REEP3: variants seen among roughly 807,000 people sequenced by gnomAD.
REEP3 encodes the protein receptor expression-enhancing protein 3.
REEP3 carries 20 observed loss-of-function variants against 41.3 expected under a neutral mutation model. The ratio of observed to expected loss-of-function variants is 0.48; its 90% CI spans 0.34 to 0.70. REEP3 has a LOEUF of 0.70. Ranked by LOEUF, REEP3 falls within the 30% of genes least tolerant of loss-of-function variation. The pLI, the probability that REEP3 is intolerant of heterozygous loss-of-function variation, is 0.01. For missense variants in REEP3, 271 were observed against 308.8 expected (o/e 0.88, Z 0.92); for synonymous variants, 104 against 101.8 (o/e 1.02, Z -0.13).
chr10:63,559,024 G>A (rs1473522062), intron 1 of REEP3, among the ~76,000 whole-genome samples: 2 of 152,020 alleles, frequency 1.3e-5, no homozygotes, highest in African/African-American at 4.8e-5. Flanking sequence ...TTAGAAGCAT[G>A]ATTCTGAAAG....
At chr10:63,592,984 G>T (rs564034678) in intron 2 of REEP3, among the ~76,000 whole-genome samples, 1 of 151,124 alleles carries the variant, frequency 6.6e-6, no homozygotes, top group Admixed American at 6.6e-5. Context: ...CTGAGGGAAT[G>T]AACTCATACA....
chr10:63,607,286 C>T (rs1012396304), intron 5 of REEP3, among the ~76,000 whole-genome samples: 3 of 152,060 alleles, frequency 2.0e-5, no homozygotes, highest in Admixed American at 2.0e-4. Context: ...GCTCATATTC[C>T]CTTTTTGCTT....
rs1049174922 is a variant in REEP3 at position 63,598,081 on chromosome 10, T to C, written c.240T>C (p.Tyr80=). 6.2e-7 allele frequency: 1 copy of C among 1,601,996 alleles called. No individual in the cohort carries two copies. Among genetic ancestry groups the C allele is most frequent in the East Asian group, 2.2e-5 (1 of 44,810 alleles). Residue 80 remains tyrosine (Y), a synonymous_variant, in exon 4 of 8, where the codon TAT becomes TAC. Transcript: ENST00000373758. ...TTGTCATATGGCTGCTTTCTCCCTATACCAAAGGAGCAAGTTTAATATATA... is the reference window on the plus strand; with the variant it reads ...TTGTCATATGGCTGCTTTCTCCCTACACCAAAGGAGCAAGTTTAATATATA... ...IAFVIWLLSP[Y]TKGASLIYRK...
At chr10:63,525,314 T>A (rs1016464549) in intron 1 of REEP3, among the ~76,000 whole-genome samples, 1 of 152,254 alleles carries the variant, frequency 6.6e-6, no homozygotes, top group Non-Finnish European at 1.5e-5. Context: ...CAAGCTCTTT[T>A]GTCCAGCCTT....
intron 2 of REEP3, among the ~76,000 whole-genome samples, chr10:63,573,646 C>T (rs866544082): frequency 3.9e-5 from 6 of 152,126 alleles, no homozygotes; most frequent in African/African-American, 1.2e-4. Flanking sequence ...ACCTAATTTT[C>T]GACTGACTAT....
At chr10:63,599,136 A>T in intron 4 of REEP3, 34 bp from the exon 5 acceptor site, 1 of 1,077,034 alleles carries the variant, frequency 9.3e-7, no homozygotes, top group Non-Finnish European at 1.4e-6. Context: ...CACTATTTTT[A>T]AGTAAAACTA....
At chr10:63,542,392 A>G (rs1955537085) in intron 1 of REEP3, among the ~76,000 whole-genome samples, 1 of 152,162 alleles carries the variant, frequency 6.6e-6, no homozygotes, top group African/African-American at 2.4e-5. Flanking sequence ...ACTAATTCTA[A>G]GTAGTTGTAT....
intron 4 of REEP3, 52 bp from the exon 5 acceptor site, chr10:63,599,118 C>A: frequency 1.2e-6 from 1 of 844,946 alleles, no homozygotes; most frequent in East Asian, 2.7e-5. Context: ...TAGTTTGGGG[C>A]TTATTAACAC....
rs997689269 is a variant in REEP3 at position 63,597,698 on chromosome 10, G to A, written c.183-326G>A. On this transcript the variant is annotated intron_variant, in intron 3 of 7. Transcript: ENST00000373758. ...AGGCCGAGGTGGGCGGATCACATGA[G>A]GTCAGGAGTTCAAGACCAGGCCTGG... 8.5e-5 allele frequency among the ~76,000 whole-genome samples: 13 copies of A among 152,232 alleles called. No homozygotes were observed. The East Asian group carries it at 2.5e-3, about 29-fold the overall frequency.
At chr10:63,600,877 G>C (rs1000249846) in intron 5 of REEP3, among the ~76,000 whole-genome samples, 3 of 151,940 alleles carry the variant, frequency 2.0e-5, no homozygotes, top group Non-Finnish European at 4.4e-5. Context: ...CATTTGGCCA[G>C]GCACAGTGGC....
chr10:63,570,100 CT>C (rs1222994994), intron 2 of REEP3, among the ~76,000 whole-genome samples: 1 of 151,986 alleles, frequency 6.6e-6, no homozygotes, highest in Non-Finnish European at 1.5e-5. Context: ...TTTATTACCC[CT>C]GATACAACAC....
At chr10:63,619,199 C>A (rs140182510) in intron 6 of REEP3, among the ~76,000 whole-genome samples, 35 of 152,228 alleles carry the variant, frequency 2.3e-4, no homozygotes, top group African/African-American at 7.5e-4. Context: ...CCAGTCTTGA[C>A]AAAAGATACG....
chr10:63,578,501 G>A (rs1955917686), intron 2 of REEP3, among the ~76,000 whole-genome samples: 1 of 152,124 alleles, frequency 6.6e-6, no homozygotes, highest in South Asian at 2.1e-4. Context: ...GCCGGGCATG[G>A]TAGCTCACAC....
intron 5 of REEP3, among the ~76,000 whole-genome samples, chr10:63,602,600 C>T (rs1412923029): frequency 1.3e-5 from 2 of 152,142 alleles, no homozygotes; most frequent in Non-Finnish European, 2.9e-5. Context: ...CCCATTTTTC[C>T]TCCTCACTTT....
intron 5 of REEP3, among the ~76,000 whole-genome samples, chr10:63,606,566 T>C (rs1203781008): frequency 6.6e-6 from 1 of 152,088 alleles, no homozygotes; most frequent in African/African-American, 2.4e-5. Flanking sequence ...CTCATTTTTC[T>C]TATACTTTTG....
At chr10:63,545,942 G>T (rs1319008625) in intron 1 of REEP3, among the ~76,000 whole-genome samples, 4 of 152,192 alleles carry the variant, frequency 2.6e-5, no homozygotes, top group Non-Finnish European at 4.4e-5. Context: ...GAAAGCCTCT[G>T]AGAAGTGGAT....
rs921662484 is a variant in REEP3, at chr10:63,622,038, T to C, written c.*1169T>C. 6 of 152,232 alleles carry C rather than the reference T, an allele frequency of 3.9e-5. No individual in the cohort carries two copies. The highest frequency in any genetic ancestry group is 3.9e-4 in the Admixed American group (6 of 15,282). 9.4% of individuals were successfully genotyped at this position (152,232 alleles called of 1,614,324 possible). A position where few individuals can be genotyped will look rare whatever the true frequency, so the allele number is the denominator to read the frequency against. ...TAAATCTCAAAGAGATTTTGAGTTA[T>C]TGAATTCTTAAGGCTTTCTTAGCTT... On this transcript the variant is annotated 3_prime_UTR_variant, in exon 8 of 8. Coordinates refer to ENST00000373758, the MANE Select transcript of REEP3 (RefSeq NM_001001330.3).
chr10:63,533,173 A>G (rs1452020715), intron 1 of REEP3, among the ~76,000 whole-genome samples: 1 of 152,204 alleles, frequency 6.6e-6, no homozygotes, highest in Non-Finnish European at 1.5e-5. Context: ...CTTAAACTAT[A>G]CTGCTTGTAT....
chr10:63,601,493 A>G (rs1564489484), intron 5 of REEP3, among the ~76,000 whole-genome samples: 1 of 152,226 alleles, frequency 6.6e-6, no homozygotes, highest in Non-Finnish European at 1.5e-5. Context: ...ATTCCCAAAG[A>G]GAACACCACA....
Sources: gnomAD v4.1 joint callset for allele counts (sites outside exome capture counted in the v4.1 genomes callset) on GRCh38, gnomAD v4.1.1 for gene constraint, MANE v1.5 for transcripts, NCBI Gene and HGNC (gene_info 2026-07-23, HGNC 2026-07-21) for gene names.